Variants in ZFHX3 observed in about 807,000 individuals in gnomAD.
The protein encoded by ZFHX3 is zinc finger homeobox protein 3.
ZFHX3 carries 42 observed loss-of-function variants against 279.1 expected under a neutral mutation model. The observed-to-expected ratio is 0.15, with a 90% CI of 0.12 to 0.19. ZFHX3 has a LOEUF of 0.19. ZFHX3 is among the 10% of genes least tolerant of loss of function. The pLI, the probability that ZFHX3 is intolerant of heterozygous loss-of-function variation, is 1.00. For synonymous variants in ZFHX3, 2,293 were observed against 1,957.8 expected (o/e 1.17, Z -4.52); for missense variants, 4,981 against 4,754.0 (o/e 1.05, Z -1.40).
chr16:72,963,768 T>G (rs1961697428), intron 1 of ZFHX3, among the ~76,000 whole-genome samples: 1 of 152,168 alleles, frequency 6.6e-6, no homozygotes, highest in Non-Finnish European at 1.5e-5. Context: ...ATGCAACAGT[T>G]TCAGGGAAGC....
At chr16:73,642,695 T>A (rs2052584629) in intron 2 of ZFHX3, among the ~76,000 whole-genome samples, 1 of 152,192 alleles carries the variant, frequency 6.6e-6, no homozygotes, top group African/African-American at 2.4e-5. Context: ...AGTACATATG[T>A]GCACCCTTCC....
chr16:73,436,412 C>T (rs1266805703), intron 3 of ZFHX3, among the ~76,000 whole-genome samples: 4 of 152,118 alleles, frequency 2.6e-5, no homozygotes, highest in South Asian at 2.1e-4. Flanking sequence ...TCTTACATGG[C>T]AGCAGACAAG....
At chr16:73,175,925 T>C (rs889287161) in intron 5 of ZFHX3, among the ~76,000 whole-genome samples, 4 of 152,190 alleles carry the variant, frequency 2.6e-5, no homozygotes, top group Admixed American at 6.5e-5. Context: ...TGTCTAATAA[T>C]CTTATCCAGC....
chr16:72,863,203 TAAAA>T (rs558605674), intron 4 of ZFHX3, among the ~76,000 whole-genome samples: 1 of 151,616 alleles, frequency 6.6e-6, no homozygotes, highest in East Asian at 1.9e-4. Context: ...GTCTTGTTAA[TAAAA>T]AAAGAGAGAT....
intron 3 of ZFHX3, among the ~76,000 whole-genome samples, chr16:73,363,145 A>G (rs1231696402): frequency 2.0e-5 from 3 of 152,216 alleles, no homozygotes; most frequent in Admixed American, 2.0e-4. Context: ...GCTGATGGTC[A>G]GCCAGTCCCC....
chr16:73,356,311 A>T lies in ZFHX3; in HGVS notation c.-1290-37975T>A, dbSNP rs146228301. ...CTGGCATGCACTTTGTAACACCCTCATTTGTTCTTCCTGCAGTCTCATGTA... is the reference window on the plus strand; with the variant it reads ...CTGGCATGCACTTTGTAACACCCTCTTTTGTTCTTCCTGCAGTCTCATGTA... On this transcript the variant is annotated intron_variant, in intron 3 of 17. Transcript: ENST00000641206. Among the ~76,000 whole-genome samples the T allele has an allele frequency of 2.9e-3, 435 of 150,528 alleles. 6 individuals are homozygous for T. Among genetic ancestry groups the T allele is most frequent in the Middle Eastern group, 6.8e-3 (2 of 292 alleles).
At chr16:73,867,509 A>G (rs1962055907) in intron 1 of ZFHX3, among the ~76,000 whole-genome samples, 1 of 152,254 alleles carries the variant, frequency 6.6e-6, no homozygotes, top group Non-Finnish European at 1.5e-5. Context: ...GACAAAGCCA[A>G]GGTGGGGTTT....
chr16:73,072,334 C>T (rs1312019472), intron 8 of ZFHX3, among the ~76,000 whole-genome samples: 1 of 151,532 alleles, frequency 6.6e-6, no homozygotes, highest in Non-Finnish European at 1.5e-5. Flanking sequence ...ATCCCAGCTA[C>T]TCAGGAGGCT....
At chr16:72,812,670 T>C (rs2036493145) in intron 5 of ZFHX3, among the ~76,000 whole-genome samples, 1 of 152,270 alleles carries the variant, frequency 6.6e-6, no homozygotes, top group South Asian at 2.1e-4. Flanking sequence ...ATCCAAGATA[T>C]AATCTAGCCA....
chr16:73,054,784 T>C (rs945335784), intron 1 of ZFHX3, among the ~76,000 whole-genome samples: 1 of 152,044 alleles, frequency 6.6e-6, no homozygotes. Context: ...CCGCCGTTGC[T>C]CCTCTCTGTA....
intron 1 of ZFHX3, among the ~76,000 whole-genome samples, chr16:73,749,336 C>A (rs1335365016): frequency 1.3e-5 from 2 of 149,144 alleles, no homozygotes; most frequent in African/African-American, 5.1e-5. Context: ...CAACCACCAG[C>A]AACAGCACCA....
intron 4 of ZFHX3, among the ~76,000 whole-genome samples, chr16:73,257,900 A>T (rs2013704330): frequency 6.6e-6 from 1 of 152,218 alleles, no homozygotes; most frequent in African/African-American, 2.4e-5. Flanking sequence ...TCTCAACTTC[A>T]ACAGTAGATA....
At chr16:73,652,496 A>C (rs1777125410) in intron 2 of ZFHX3, among the ~76,000 whole-genome samples, 1 of 152,250 alleles carries the variant, frequency 6.6e-6, no homozygotes, top group South Asian at 2.1e-4. Flanking sequence ...AGGCAGAAGG[A>C]ATCCCAAGAG....
chr16:73,821,803 C>A (rs974576533), intron 1 of ZFHX3, among the ~76,000 whole-genome samples: 1 of 152,196 alleles, frequency 6.6e-6, no homozygotes, highest in Non-Finnish European at 1.5e-5. Flanking sequence ...GGGTGCTGGG[C>A]TCAGTGGGAA....
chr16:73,178,242 A>G (rs1357529043), intron 5 of ZFHX3, among the ~76,000 whole-genome samples: 2 of 150,236 alleles, frequency 1.3e-5, no homozygotes, highest in African/African-American at 4.9e-5. Context: ...AGTTCCAACA[A>G]TTTTCCTGCC....
At chr16:73,463,867 G>A (rs2018515122) in intron 2 of ZFHX3, among the ~76,000 whole-genome samples, 1 of 152,212 alleles carries the variant, frequency 6.6e-6, no homozygotes, top group South Asian at 2.1e-4. Flanking sequence ...GAAGAAAATG[G>A]TCCGCAGTGA....
chr16:73,326,289 G>T (rs567367578), intron 3 of ZFHX3, among the ~76,000 whole-genome samples: 9 of 152,170 alleles, frequency 5.9e-5, no homozygotes, highest in African/African-American at 2.2e-4. Flanking sequence ...CAGACCAGAA[G>T]ACACTGAACC....
At chr16:72,910,347 T>G (rs572377640) in intron 3 of ZFHX3, among the ~76,000 whole-genome samples, 2 of 152,318 alleles carry the variant, frequency 1.3e-5, no homozygotes, top group Non-Finnish European at 2.9e-5. Flanking sequence ...CCCTGCGTCA[T>G]GCCATGCTCT....
intron 2 of ZFHX3, among the ~76,000 whole-genome samples, chr16:73,634,887 G>C (rs57625618): frequency 2.0e-5 from 3 of 151,900 alleles, no homozygotes; most frequent in Admixed American, 2.0e-4. Context: ...GGTGTTTGTG[G>C]TTGTGTGTGT....
Sources: allele counts gnomAD v4.1 joint callset (sites outside exome capture counted in the v4.1 genomes callset), GRCh38; gene constraint gnomAD v4.1.1; transcripts MANE v1.5; gene names NCBI Gene and HGNC (gene_info 2026-07-23, HGNC 2026-07-21).